LSAMP: variants seen among roughly 807,000 people sequenced by gnomAD.
LSAMP encodes limbic system-associated membrane protein.
A neutral mutation model predicts 38.6 loss-of-function variants in LSAMP; 7 were observed. That is an observed-to-expected ratio of 0.18 (90% CI 0.10 to 0.34). The LOEUF (loss-of-function observed/expected upper bound fraction) is 0.34. LSAMP is among the 10% of genes least tolerant of loss of function. The pLI, the probability that LSAMP is intolerant of heterozygous loss-of-function variation, is 1.00. For missense variants in LSAMP, 313 were observed against 420.0 expected, an observed-to-expected ratio of 0.75 and a Z score of 2.23; for synonymous variants, 154 against 166.8, an observed-to-expected ratio of 0.92 and a Z score of 0.59.
chr3:115,864,846 A>C, intron 3 of LSAMP, among the ~76,000 whole-genome samples: 1 of 152,188 alleles, frequency 6.6e-6, no homozygotes, highest in East Asian at 1.9e-4. Flanking sequence ...GCTGTGCAGT[A>C]TTTTTCTAAT....
chr3:116,332,392 T>C (rs958513741), intron 1 of LSAMP, among the ~76,000 whole-genome samples: 1 of 152,140 alleles, frequency 6.6e-6, no homozygotes, highest in African/African-American at 2.4e-5. Flanking sequence ...GTTTTGTATG[T>C]CGCTGAAGTT....
At chr3:115,973,012 A>G (rs1939068191) in intron 3 of LSAMP, among the ~76,000 whole-genome samples, 1 of 152,098 alleles carries the variant, frequency 6.6e-6, no homozygotes, top group Admixed American at 6.6e-5. Context: ...GAAGAGATTG[A>G]GGCAGACAAG....
chr3:115,840,483 T>C (rs985370291), intron 6 of LSAMP, among the ~76,000 whole-genome samples: 3 of 152,226 alleles, frequency 2.0e-5, no homozygotes, highest in African/African-American at 7.2e-5. Context: ...AGAATACTTA[T>C]GTTTGGTCTT....
intron 1 of LSAMP, among the ~76,000 whole-genome samples, chr3:116,366,903 C>G (rs1451841932): frequency 1.3e-5 from 2 of 152,096 alleles, no homozygotes; most frequent in African/African-American, 4.8e-5. Context: ...CCTGAGCCAC[C>G]GCATTGCCTA....
chr3:116,081,258 T>C (rs1222518050), intron 2 of LSAMP, among the ~76,000 whole-genome samples: 1 of 152,016 alleles, frequency 6.6e-6, no homozygotes. Flanking sequence ...GGTCAAGAGA[T>C]GGAGACCATC....
chr3:116,185,118 C>G (rs1710583992), intron 1 of LSAMP, among the ~76,000 whole-genome samples: 1 of 145,226 alleles, frequency 6.9e-6, no homozygotes, highest in Non-Finnish European at 1.5e-5. Context: ...TCATTTTTCC[C>G]TTCTCCCTCC....
intron 3 of LSAMP, among the ~76,000 whole-genome samples, chr3:115,988,972 C>T (rs1466226344): frequency 6.6e-6 from 1 of 151,996 alleles, no homozygotes; most frequent in African/African-American, 2.4e-5. Flanking sequence ...CCCTTCTCAC[C>T]AATAAAACCA....
At chr3:116,104,990 A>G (rs1337701410) in intron 1 of LSAMP, among the ~76,000 whole-genome samples, 1 of 152,246 alleles carries the variant, frequency 6.6e-6, no homozygotes, top group Non-Finnish European at 1.5e-5. Context: ...TGGCACTTTC[A>G]TAGCAGGCAC....
intron 2 of LSAMP, among the ~76,000 whole-genome samples, chr3:116,079,273 A>G (rs9855097): frequency 0.14 from 20,792 of 152,062 alleles, 1,554 homozygotes; most frequent in Non-Finnish European, 0.17. Flanking sequence ...ATGCCTCCTC[A>G]CTCAGAATCC....
At chr3:116,197,163 A>ACACACACACACACACT (rs1268040540) in intron 1 of LSAMP, among the ~76,000 whole-genome samples, 92 of 139,202 alleles carry the variant, frequency 6.6e-4, no homozygotes, top group African/African-American at 1.9e-3. Context: ...ACACACACAC[A>ACACACACACACACACT]CTCTCTCTCT....
rs1317708001 is a variant in LSAMP, at chr3:116,086,506, C to G, written c.206G>C (p.Gly69Ala). Residue 69 changes from glycine (G) to alanine (A), a missense_variant, in exon 2 of 7, where the codon GGC becomes GCC. By Grantham distance (60) the Gly-to-Ala change is moderately conservative (BLOSUM62 0). Coordinates refer to ENST00000490035, the MANE Select transcript of LSAMP (RefSeq NM_002338.5). The part of the protein sequence containing the change: ...NSKVAWLNRS[G>A]IIFAGHDKWS... ...CTTGTCATGTCCAGCAAAAATGATG[C>G]CAGAACGGTTCAACCAGGCCACCTT... The G allele has an allele frequency of 1.2e-6, 2 of 1,614,026 alleles. No individual in the cohort carries two copies. The highest frequency in any genetic ancestry group is 1.7e-6 in the Non-Finnish European group (2 of 1,180,022).
At chr3:115,825,490 C>T (rs1391246845) in intron 6 of LSAMP, among the ~76,000 whole-genome samples, 3 of 152,178 alleles carry the variant, frequency 2.0e-5, no homozygotes, top group African/African-American at 7.2e-5. Flanking sequence ...CATCAAACCT[C>T]CTTACTGAAA....
intron 1 of LSAMP, among the ~76,000 whole-genome samples, chr3:116,188,362 C>A (rs1448814659): frequency 6.6e-6 from 1 of 152,150 alleles, no homozygotes; most frequent in East Asian, 1.9e-4. Context: ...TAATTTGATA[C>A]CCTACAACAT....
At chr3:115,853,603 G>A (rs1475342900) in intron 3 of LSAMP, among the ~76,000 whole-genome samples, 3 of 152,054 alleles carry the variant, frequency 2.0e-5, no homozygotes, top group Non-Finnish European at 4.4e-5. Context: ...TAGAGAGGGA[G>A]AAAAATGAAA....
intron 1 of LSAMP, among the ~76,000 whole-genome samples, chr3:116,346,202 G>A (rs907065609): frequency 1.4e-4 from 21 of 151,906 alleles, no homozygotes; most frequent in African/African-American, 4.4e-4. Flanking sequence ...GATGGATTCC[G>A]CTTTGCATTG....
intron 1 of LSAMP, among the ~76,000 whole-genome samples, chr3:116,110,971 G>T (rs561010383): frequency 6.6e-6 from 1 of 152,168 alleles, no homozygotes; most frequent in Non-Finnish European, 1.5e-5. Context: ...AGTCAAAAGG[G>T]GTTCTCTGGT....
intron 1 of LSAMP, among the ~76,000 whole-genome samples, chr3:116,303,382 T>A (rs1576494703): frequency 6.6e-6 from 1 of 152,214 alleles, no homozygotes; most frequent in Non-Finnish European, 1.5e-5. Context: ...CTGGCTAACT[T>A]GGTGCCAAAT....
intron 1 of LSAMP, among the ~76,000 whole-genome samples, chr3:116,256,787 C>T (rs1449902314): frequency 9.7e-6 from 1 of 102,724 alleles, no homozygotes; most frequent in Admixed American, 1.1e-4. Context: ...ACTGTCTCCA[C>T]TCCAAGTGAG....
intron 3 of LSAMP, among the ~76,000 whole-genome samples, chr3:115,991,367 A>G (rs1939661937): frequency 6.6e-6 from 1 of 152,086 alleles, no homozygotes; most frequent in Admixed American, 6.6e-5. Context: ...ATAGTCATAC[A>G]TGTCATATAG....
Sources: gnomAD v4.1 joint callset for allele counts (sites outside exome capture counted in the v4.1 genomes callset) on GRCh38, gnomAD v4.1.1 for gene constraint, MANE v1.5 for transcripts, NCBI Gene and HGNC (gene_info 2026-07-23, HGNC 2026-07-21) for gene names.